ATP9B: variants seen among roughly 807,000 people sequenced by gnomAD.
ATP9B encodes the protein ATPase phospholipid transporting 9B.
Under a neutral mutation model 146.1 loss-of-function variants are expected in ATP9B, and 110 were observed. The observed-to-expected ratio is 0.75, with a 90% CI of 0.65 to 0.88. ATP9B has a LOEUF of 0.88. Among genes scored for constraint, ATP9B ranks in the 40% least tolerant of loss-of-function variants. The pLI is 0.00. For synonymous variants in ATP9B, 604 were observed against 569.7 expected (o/e 1.06, Z -0.86); for missense variants, 1,499 against 1,496.4 (o/e 1.00, Z -0.03).
rs1473224905 is a variant in ATP9B at position 79,144,086 on chromosome 18, G to T, written c.726+226G>T. 1.4e-5 allele frequency: 5 copies of T among 345,300 alleles called. No homozygotes were observed. In the East Asian group the frequency reaches 2.3e-4, roughly 16 times the overall value. 21.4% of individuals were successfully genotyped at this position (345,300 alleles called of 1,614,324 possible). On this transcript the variant is annotated intron_variant, in intron 6 of 29. Transcript: ENST00000426216. ...CAAAGTCATATTTTTTCTGAAATAAGATGGTTAACTGCTTAATGTTGCATT... is the reference window on the plus strand; with the variant it reads ...CAAAGTCATATTTTTTCTGAAATAATATGGTTAACTGCTTAATGTTGCATT...
chr18:79,329,132 C>T lies in ATP9B; in HGVS notation c.1774-9C>T. 2 of 1,540,418 alleles carry T rather than the reference C, an allele frequency of 1.3e-6. No homozygotes were observed. Among genetic ancestry groups the T allele is most frequent in the South Asian group, 1.2e-5 (1 of 80,070 alleles). On this transcript the variant is annotated splice_polypyrimidine_tract_variant and intron_variant, in intron 15 of 29. Transcript: ENST00000426216. ...AGCGGTGGCCTCAGTTGTTGCTGGT[C>T]TCCCGTAGGTCGCTCTGGTGCAGTG...
intron 6 of ATP9B, among the ~76,000 whole-genome samples, chr18:79,151,819 C>G (rs897008854): frequency 2.0e-5 from 3 of 151,792 alleles, no homozygotes; most frequent in Non-Finnish European, 4.4e-5. Context: ...GTTTGCTGCA[C>G]CCATCAACCC....
Position 79,201,882 on chromosome 18 carries a change from T to A in ATP9B, c.955-5055T>A, listed in dbSNP as rs183106980. 1.3e-3 allele frequency among the ~76,000 whole-genome samples: 202 copies of A among 151,834 alleles called. 1 individual carries two copies. Among genetic ancestry groups the A allele is most frequent in the African/African-American group, 3.4e-3 (142 of 41,408 alleles). ...CCCCTGATTTCTGATTTAAAAAAATTTTTTTTTTAATTAGCCTAGTGGGGT... is the reference window on the plus strand; with the variant it reads ...CCCCTGATTTCTGATTTAAAAAAATATTTTTTTTAATTAGCCTAGTGGGGT... On this transcript the variant is annotated intron_variant, in intron 9 of 29. Transcript: ENST00000426216.
In ATP9B at chr18:79,342,338, G is replaced by C. The variant is rs1460326161; in HGVS notation, c.2354G>C (p.Arg785Thr). ...CIAKSSHLVS[R>T]TQDIHIFRQV... ...GCCAAAAGTTCACATCTCGTGTCTA[G>C]AACACAAGATATTCATATTTTCAGA... Residue 785 changes from arginine to threonine, a missense_variant, in exon 20 of 30, where the codon AGA (arginine) becomes ACA (threonine). By Grantham distance (71) the Arg-to-Thr change is moderately conservative (BLOSUM62 -1). Transcript: ENST00000426216. 6.2e-7 allele frequency: 1 copy of C among 1,612,924 alleles called. No individual in the cohort carries two copies. The highest frequency in any genetic ancestry group is 1.3e-5 in the African/African-American group (1 of 74,868).
At chr18:79,272,991 G>C (rs1289681062) in intron 12 of ATP9B, among the ~76,000 whole-genome samples, 2 of 152,304 alleles carry the variant, frequency 1.3e-5, no homozygotes, top group East Asian at 1.9e-4. Flanking sequence ...AGGAGTTCTT[G>C]ATTATCTGGA....
At chr18:79,081,615 C>T (rs971903047) in intron 1 of ATP9B, among the ~76,000 whole-genome samples, 1 of 148,722 alleles carries the variant, frequency 6.7e-6, no homozygotes, top group Non-Finnish European at 1.5e-5. Flanking sequence ...GATAGAGACA[C>T]GAAAAACCCT....
At chr18:79,112,611 T>C (rs1266705218) in intron 3 of ATP9B, among the ~76,000 whole-genome samples, 1 of 152,168 alleles carries the variant, frequency 6.6e-6, no homozygotes, top group Non-Finnish European at 1.5e-5. Flanking sequence ...CAACTTCTTA[T>C]ATTTTATCAT....
chr18:79,223,833 TCCTACTGA>T (rs1479906834), intron 11 of ATP9B, among the ~76,000 whole-genome samples: 1 of 152,102 alleles, frequency 6.6e-6, no homozygotes, highest in Non-Finnish European at 1.5e-5. Context: ...GAAAAAACAA[TCCTACTGA>T]TAGCATCTGG....
intron 26 of ATP9B, among the ~76,000 whole-genome samples, chr18:79,366,723 T>C (rs1217274012): frequency 6.6e-6 from 1 of 152,166 alleles, no homozygotes; most frequent in Admixed American, 6.5e-5. Flanking sequence ...GCAAGCTCAG[T>C]GTTGCAGATT....
chr18:79,123,921 G>A (rs1402420244), intron 4 of ATP9B, among the ~76,000 whole-genome samples: 10 of 152,142 alleles, frequency 6.6e-5, no homozygotes, highest in African/African-American at 9.7e-5. Context: ...GTTGCTCAAC[G>A]TCATTAGTCA....
At chr18:79,194,982 G>A (rs2095405361) in intron 9 of ATP9B, among the ~76,000 whole-genome samples, 1 of 152,144 alleles carries the variant, frequency 6.6e-6, no homozygotes, top group Non-Finnish European at 1.5e-5. Flanking sequence ...TGACGTTGGG[G>A]GAATGTATAG....
chr18:79,319,887 C>G (rs151223856), intron 15 of ATP9B, among the ~76,000 whole-genome samples: 1 of 152,192 alleles, frequency 6.6e-6, no homozygotes, highest in Non-Finnish European at 1.5e-5. Context: ...TTATTATTAA[C>G]CTATTTACTT....
In ATP9B at chr18:79,138,741, A is replaced by G. The variant is rs568326653; in HGVS notation, c.668-5061A>G. ...GTAATGATTAATTACTAGAAGTATT[A>G]GAACCTTCTGTTCATTATTGTTGTT... On this transcript the variant is annotated intron_variant, in intron 5 of 29. Transcript: ENST00000426216. Among the ~76,000 whole-genome samples, 263 of 152,018 alleles carry G rather than the reference A, an allele frequency of 1.7e-3. 3 individuals are homozygous for G. The highest frequency in any genetic ancestry group is 6.0e-3 in the African/African-American group (247 of 41,460).
intron 11 of ATP9B, among the ~76,000 whole-genome samples, chr18:79,233,153 G>A (rs999932873): frequency 6.6e-6 from 1 of 151,964 alleles, no homozygotes; most frequent in African/African-American, 2.4e-5. Flanking sequence ...TTAGCCAGGT[G>A]AAGTGGCGCA....
At chr18:79,297,144 G>A (rs1379058548) in intron 13 of ATP9B, among the ~76,000 whole-genome samples, 1 of 149,222 alleles carries the variant, frequency 6.7e-6, no homozygotes, top group Non-Finnish European at 1.5e-5. Context: ...ACGACCCAGA[G>A]AGGAGACAGA....
At chr18:79,295,265 C>CCTA (rs2096539837) in intron 13 of ATP9B, among the ~76,000 whole-genome samples, 1 of 152,034 alleles carries the variant, frequency 6.6e-6, no homozygotes, top group Admixed American at 6.6e-5. Context: ...AATCAACTGC[C>CCTA]CTACTAAAGC....
intron 11 of ATP9B, among the ~76,000 whole-genome samples, chr18:79,237,899 A>G (rs768628595): frequency 2.0e-5 from 3 of 152,066 alleles, no homozygotes; most frequent in Non-Finnish European, 4.4e-5. Flanking sequence ...TGTATTCCCT[A>G]GGCTGGTCTC....
In ATP9B at chr18:79,307,123, G is replaced by C; in HGVS notation, c.1662G>C (p.Val554=). ...AVKAIVLCHN[V]TPVYESRAGV... ...AAGCCATCGTGCTGTGTCACAACGT[G>C]ACCCCCGTGTATGAGTCTCGGGCCG... Residue 554 remains valine (V), a synonymous_variant, in exon 15 of 30, where the codon GTG becomes GTC. Coordinates refer to ENST00000426216, the MANE Select transcript of ATP9B (RefSeq NM_198531.5). 1 of 1,614,204 alleles carries C rather than the reference G, an allele frequency of 6.2e-7. No homozygotes were observed. The highest frequency in any genetic ancestry group is 2.2e-5 in the East Asian group (1 of 44,876).
intron 26 of ATP9B, chr18:79,372,301 G>C (rs559783221): frequency 4.9e-6 from 1 of 202,548 alleles, no homozygotes; most frequent in South Asian, 7.3e-5. Context: ...AGGGCCTGGC[G>C]CAAGGACCCA....
Sources: gnomAD v4.1 joint callset for allele counts (sites outside exome capture counted in the v4.1 genomes callset) on GRCh38, gnomAD v4.1.1 for gene constraint, MANE v1.5 for transcripts, NCBI Gene and HGNC (gene_info 2026-07-23, HGNC 2026-07-21) for gene names.